The following TBCA variants were observed in gnomAD, a reference collection of about 807,000 sequenced individuals.
TBCA encodes tubulin folding cofactor A.
Under a neutral mutation model 15.8 loss-of-function variants are expected in TBCA, and 6 were observed. The observed-to-expected ratio is 0.38, with a 90% CI of 0.21 to 0.75. The LOEUF is 0.75. TBCA is among the 30% of genes least tolerant of loss of function. TBCA has a pLI of 0.46. For synonymous variants in TBCA, 32 were observed against 42.3 expected (o/e 0.76, Z 0.94); for missense variants, 90 against 131.2 (o/e 0.69, Z 1.53).
At chr5:77,738,673 C>G (rs1299895090) in intron 1 of TBCA, among the ~76,000 whole-genome samples, 1 of 152,200 alleles carries the variant, frequency 6.6e-6, no homozygotes, top group African/African-American at 2.4e-5. Flanking sequence ...ACCTCCGCCT[C>G]TGGAGTTCAA....
chr5:77,704,048 A>G (rs937984625), intron 2 of TBCA, among the ~76,000 whole-genome samples: 2 of 152,138 alleles, frequency 1.3e-5, no homozygotes, highest in African/African-American at 2.4e-5. Flanking sequence ...TGCCATGATT[A>G]TAAGTTCCCT....
intron 1 of TBCA, 127 bp from the exon 2 acceptor site, chr5:77,708,474 G>A (rs1029119175): frequency 5.3e-6 from 3 of 563,332 alleles, no homozygotes; most frequent in Admixed American, 6.2e-5. Context: ...GGGGGAGGAA[G>A]GAACAGAAGA....
chr5:77,726,751 G>T (rs548669898), intron 1 of TBCA, among the ~76,000 whole-genome samples: 1 of 152,254 alleles, frequency 6.6e-6, no homozygotes, highest in African/African-American at 2.4e-5. Context: ...CAGTTTAAGT[G>T]CAAGGATTAA....
Position 77,691,896 on chromosome 5 carries a change from C to G in TBCA, c.247-398G>C, listed in dbSNP as rs957139106. 3 of 990,116 alleles carry G rather than the reference C, an allele frequency of 3.0e-6. No homozygotes were observed. The African/African-American group carries it at 5.2e-5, about 17-fold the overall frequency. 61.3% of individuals were successfully genotyped at this position (990,116 alleles called of 1,614,324 possible). A position where few individuals can be genotyped will look rare whatever the true frequency, so the allele number is the denominator to read the frequency against. ...ATGACAGCATTCAGGCCAAAATAAT[C>G]CACTGACTATTCACAATGACAAAGA... On this transcript the variant is annotated intron_variant, in intron 3 of 3. Coordinates refer to ENST00000380377, the MANE Select transcript of TBCA (RefSeq NM_004607.3).
intron 1 of TBCA, among the ~76,000 whole-genome samples, chr5:77,761,608 C>CGAGA (rs1296377165): frequency 6.6e-6 from 1 of 151,668 alleles, no homozygotes; most frequent in Non-Finnish European, 1.5e-5. Context: ...TCCCCCTCTC[C>CGAGA]GAGAAACACC....
chr5:77,764,245 TG>T, intron 1 of TBCA, among the ~76,000 whole-genome samples: 1 of 152,330 alleles, frequency 6.6e-6, no homozygotes, highest in Non-Finnish European at 1.5e-5. Flanking sequence ...TTACATCAGG[TG>T]GGGGTAATAG....
At chr5:77,769,151 G>T (rs1002228867) in intron 1 of TBCA, among the ~76,000 whole-genome samples, 1 of 152,112 alleles carries the variant, frequency 6.6e-6, no homozygotes, top group African/African-American at 2.4e-5. Context: ...AACAGAATGT[G>T]GTGAAGAGCT....
chr5:77,755,448 A>T (rs1049066267), intron 1 of TBCA, among the ~76,000 whole-genome samples: 3 of 152,080 alleles, frequency 2.0e-5, no homozygotes, highest in Non-Finnish European at 2.9e-5. Context: ...GTGGTGGTGC[A>T]CGCCTGTAAT....
intron 1 of TBCA, among the ~76,000 whole-genome samples, chr5:77,723,887 T>G (rs1049732491): frequency 1.3e-5 from 2 of 152,088 alleles, no homozygotes; most frequent in East Asian, 1.9e-4. Context: ...TAAGTGCCCA[T>G]GTTATTCCAA....
At chr5:77,695,151 G>T (rs1319580879) in intron 2 of TBCA, among the ~76,000 whole-genome samples, 1 of 152,012 alleles carries the variant, frequency 6.6e-6, no homozygotes, top group African/African-American at 2.4e-5. Context: ...TTTGTAAAAA[G>T]AAATATTTTC....
intron 2 of TBCA, among the ~76,000 whole-genome samples, chr5:77,693,799 C>A (rs1456207235): frequency 9.0e-4 from 70 of 77,944 alleles, no homozygotes; most frequent in East Asian, 2.1e-3. Context: ...AACTCCATCT[C>A]AAAAAAAAAA....
intron 1 of TBCA, among the ~76,000 whole-genome samples, chr5:77,724,569 T>C (rs1210094760): frequency 6.6e-6 from 1 of 152,130 alleles, no homozygotes; most frequent in Non-Finnish European, 1.5e-5. Context: ...GCATCATATT[T>C]ATCAATAAAA....
chr5:77,775,259 C>A (rs1191614884), intron 1 of TBCA, among the ~76,000 whole-genome samples: 2 of 152,196 alleles, frequency 1.3e-5, no homozygotes, highest in Non-Finnish European at 2.9e-5. Flanking sequence ...GACTATTCTT[C>A]TATCCCTCTC....
intron 1 of TBCA, among the ~76,000 whole-genome samples, chr5:77,714,878 T>C (rs1746364285): frequency 6.6e-6 from 1 of 152,200 alleles, no homozygotes; most frequent in Non-Finnish European, 1.5e-5. Flanking sequence ...CAATTATTTA[T>C]TAAAGGGCTA....
chr5:77,725,259 C>A (rs1323777954), intron 1 of TBCA, among the ~76,000 whole-genome samples: 1 of 152,202 alleles, frequency 6.6e-6, no homozygotes, highest in Non-Finnish European at 1.5e-5. Context: ...TTCTACTAAT[C>A]TCCTGTCTTT....
intron 1 of TBCA, among the ~76,000 whole-genome samples, chr5:77,711,890 G>A (rs552476844): frequency 6.6e-6 from 1 of 151,868 alleles, no homozygotes; most frequent in East Asian, 1.9e-4. Flanking sequence ...ATAAATACAA[G>A]TTACGTTTTT....
intron 2 of TBCA, among the ~76,000 whole-genome samples, chr5:77,701,492 A>G (rs1169306924): frequency 6.6e-6 from 1 of 151,716 alleles, no homozygotes; most frequent in African/African-American, 2.4e-5. Flanking sequence ...TCGTGTGGAG[A>G]TTCCTTAAAG....
Position 77,697,894 on chromosome 5 carries a change from T to C in TBCA, c.160-4542A>G, listed in dbSNP as rs912855163. ...CCTGTAATCCTAACACTTTGGGAGG[T>C]TGGGGCAGGCAGATCGCTTGAGCCC... On this transcript the variant is annotated intron_variant, in intron 2 of 3. Coordinates refer to ENST00000380377, the MANE Select transcript of TBCA (RefSeq NM_004607.3). 7.3e-5 allele frequency among the ~76,000 whole-genome samples: 11 copies of C among 151,260 alleles called. No homozygotes were observed. In the South Asian group the frequency reaches 1.0e-3, roughly 14 times the overall value.
intron 2 of TBCA, among the ~76,000 whole-genome samples, chr5:77,694,777 T>C (rs1745836786): frequency 6.6e-6 from 1 of 152,166 alleles, no homozygotes. Context: ...TCAGAGCTCA[T>C]ATTGAAAACA....
Sources: allele counts gnomAD v4.1 joint callset (sites outside exome capture counted in the v4.1 genomes callset), GRCh38; gene constraint gnomAD v4.1.1; transcripts MANE v1.5; gene names NCBI Gene and HGNC (gene_info 2026-07-23, HGNC 2026-07-21).